The following CACNA1D variants were observed in gnomAD, a reference collection of about 807,000 sequenced individuals.
The protein encoded by CACNA1D is voltage-dependent L-type calcium channel subunit alpha-1D.
Under a neutral mutation model 257.1 loss-of-function variants are expected in CACNA1D, and 55 were observed. The ratio of observed to expected loss-of-function variants is 0.21; its 90% CI spans 0.17 to 0.27. The LOEUF is 0.27. Ranked by LOEUF, CACNA1D falls within the 10% of genes least tolerant of loss-of-function variation. The pLI is 1.00. For synonymous variants in CACNA1D, 980 were observed against 1,014.9 expected (o/e 0.97, Z 0.65); for missense variants, 1,876 against 2,784.0 (o/e 0.67, Z 7.34).
chr3:53,743,163 T>A (rs752925755), intron 22 of CACNA1D, 46 bp downstream of exon 22: 10 of 1,126,212 alleles, frequency 8.9e-6, no homozygotes, highest in Non-Finnish European at 1.2e-5. Context: ...GCTGAATGGT[T>A]TATGTAAGGG....
chr3:53,613,488 A>G (rs1422987641), intron 3 of CACNA1D, among the ~76,000 whole-genome samples: 2 of 151,816 alleles, frequency 1.3e-5, no homozygotes, highest in African/African-American at 4.8e-5. Flanking sequence ...GGGATGAGAC[A>G]CTCCAGCCCT....
chr3:53,536,254 CAG>C (rs575676728), intron 3 of CACNA1D, among the ~76,000 whole-genome samples: 106 of 152,248 alleles, frequency 7.0e-4, no homozygotes, highest in African/African-American at 2.3e-3. Flanking sequence ...TAATTAATAA[CAG>C]GGGAGGTTAA....
At chr3:53,708,724 A>G (rs1195079500) in intron 9 of CACNA1D, among the ~76,000 whole-genome samples, 2 of 152,200 alleles carry the variant, frequency 1.3e-5, no homozygotes. Context: ...ATATTTGCCT[A>G]CATAAAAAAT....
At chr3:53,513,157 A>G (rs1307282533) in intron 3 of CACNA1D, among the ~76,000 whole-genome samples, 1 of 152,166 alleles carries the variant, frequency 6.6e-6, no homozygotes, top group Middle Eastern at 3.2e-3. Context: ...ACTAGCTGAC[A>G]TTGGCTGACA....
At chr3:53,572,317 A>C (rs898526555) in intron 3 of CACNA1D, among the ~76,000 whole-genome samples, 1 of 151,786 alleles carries the variant, frequency 6.6e-6, no homozygotes, top group Non-Finnish European at 1.5e-5. Context: ...TTATCCCTCT[A>C]CCATCGAAAT....
chr3:53,533,951 A>G (rs1475163954), intron 3 of CACNA1D, among the ~76,000 whole-genome samples: 1 of 152,232 alleles, frequency 6.6e-6, no homozygotes, highest in African/African-American at 2.4e-5. Context: ...TCCATCATAT[A>G]GGCAATACAT....
chr3:53,650,925 C>A lies in CACNA1D; in HGVS notation c.623+7C>A. ...TTGTTATAGTAATAGTAGGGTAAGT[C>A]TCTTTTACTTTGGGGAAATGTTGAT... On this transcript the variant is annotated splice_region_variant and intron_variant, in intron 4 of 47. Transcript: ENST00000350061. The A allele has an allele frequency of 6.2e-7, 1 of 1,606,858 alleles. No individual in the cohort carries two copies.
intron 3 of CACNA1D, among the ~76,000 whole-genome samples, chr3:53,503,875 A>T (rs768893741): frequency 4.0e-5 from 6 of 151,774 alleles, no homozygotes; most frequent in Non-Finnish European, 7.4e-5. Flanking sequence ...AACTCATGGC[A>T]TTCAACTTTG....
At chr3:53,679,269 TCAAAAAAAAAAAAAAAAAAA>T (rs2094405622) in intron 8 of CACNA1D, 1 of 6,372 alleles carries the variant, frequency 1.6e-4, no homozygotes, top group African/African-American at 3.3e-4. Flanking sequence ...AAACTCCATC[TCAAAAAAAAAAAAAAAAAAA>T]AAAAAAAAAA....
intron 3 of CACNA1D, among the ~76,000 whole-genome samples, chr3:53,643,489 A>G (rs1460336903): frequency 1.3e-5 from 2 of 152,056 alleles, no homozygotes; most frequent in Non-Finnish European, 2.9e-5. Flanking sequence ...GATGGCCTCA[A>G]TCGACCCAGC....
In CACNA1D at chr3:53,613,769, C is replaced by A. The variant is rs1250249894; in HGVS notation, c.484-37010C>A. On this transcript the variant is annotated intron_variant, in intron 3 of 47. Coordinates refer to ENST00000350061, the MANE Select transcript of CACNA1D (RefSeq NM_001128840.3). ...TGAGAACTGTCACTTTCTGACACTT[C>A]TTCCTTATATTGTATTGATACAAGG... Among the ~76,000 whole-genome samples, 3 of 151,978 alleles carry A rather than the reference C, an allele frequency of 2.0e-5. No homozygotes were observed. The South Asian group carries it at 6.2e-4, about 32-fold the overall frequency.
intron 3 of CACNA1D, among the ~76,000 whole-genome samples, chr3:53,514,279 G>C (rs1319222066): frequency 6.6e-6 from 1 of 151,878 alleles, no homozygotes; most frequent in Admixed American, 6.6e-5. Context: ...GGGAGTCCAG[G>C]CTCACAGGCT....
chr3:53,615,568 T>A (rs1236087919), intron 3 of CACNA1D, among the ~76,000 whole-genome samples: 2 of 152,218 alleles, frequency 1.3e-5, no homozygotes, highest in Admixed American at 1.3e-4. Flanking sequence ...GGGACCAAGA[T>A]CTCCAAACCA....
intron 3 of CACNA1D, among the ~76,000 whole-genome samples, chr3:53,650,527 G>A (rs1407449737): frequency 6.6e-6 from 1 of 152,264 alleles, no homozygotes; most frequent in African/African-American, 2.4e-5. Context: ...GGGGCAGTTG[G>A]CAAAATGCAG....
chr3:53,721,823 A>T (rs183170679), intron 11 of CACNA1D, among the ~76,000 whole-genome samples: 2 of 152,024 alleles, frequency 1.3e-5, no homozygotes, highest in African/African-American at 2.4e-5. Context: ...AAAAAAAACT[A>T]GCTTTGTAGC....
chr3:53,519,120 A>G (rs977401250), intron 3 of CACNA1D, among the ~76,000 whole-genome samples: 1 of 152,142 alleles, frequency 6.6e-6, no homozygotes, highest in Non-Finnish European at 1.5e-5. Context: ...CTGTTACCTC[A>G]GAGTAAAGAG....
rs3774560 is a variant in CACNA1D at position 53,751,376 on chromosome 3, T to C, written c.3517-373T>C. Among the ~76,000 whole-genome samples the C allele has an allele frequency of 0.07, 10,715 of 152,238 alleles. 402 individuals carry two copies. The highest frequency in any genetic ancestry group is 0.15 in the Middle Eastern group (44 of 294). ...ACCTATAGATCCCCCGTATGTGTGA[T>C]AAAGAGGAAAGGCAGTGATAAGGCC... On this transcript the variant is annotated intron_variant, in intron 27 of 47. Coordinates refer to ENST00000350061, the MANE Select transcript of CACNA1D (RefSeq NM_001128840.3). This position sits in a 1 kb window ranked among gnomAD's most constrained non-coding sequence, Gnocchi z 4.3.
chr3:53,597,658 T>C (rs2093387290), intron 3 of CACNA1D, among the ~76,000 whole-genome samples: 2 of 152,182 alleles, frequency 1.3e-5, no homozygotes, highest in South Asian at 4.1e-4. Flanking sequence ...AGGGCTAGGC[T>C]GATGCTGGGA....
chr3:53,697,337 T>C (rs2094581925), intron 8 of CACNA1D, among the ~76,000 whole-genome samples: 1 of 152,176 alleles, frequency 6.6e-6, no homozygotes, highest in African/African-American at 2.4e-5. Context: ...GCTTGTTTTG[T>C]TGGATACAAT....
Sources: gnomAD v4.1 joint callset for allele counts (sites outside exome capture counted in the v4.1 genomes callset) on GRCh38, gnomAD v4.1.1 for gene constraint, Gnocchi (gnomAD v3.1) non-coding constraint, MANE v1.5 for transcripts, NCBI Gene and HGNC (gene_info 2026-07-23, HGNC 2026-07-21) for gene names.